PRKD1: variants seen among roughly 807,000 people sequenced by gnomAD.
PRKD1 encodes serine/threonine-protein kinase D1.
PRKD1 carries 63 observed loss-of-function variants against 95.9 expected under a neutral mutation model. The ratio of observed to expected loss-of-function variants is 0.66; its 90% CI spans 0.54 to 0.81. The LOEUF is 0.81. PRKD1 is among the 30% of genes least tolerant of loss of function. PRKD1 has a pLI of 0.00. For synonymous variants in PRKD1, 425 were observed against 423.1 expected, an observed-to-expected ratio of 1.00 and a Z score of -0.05; for missense variants, 1,048 against 1,165.3, an observed-to-expected ratio of 0.90 and a Z score of 1.47.
chr14:29,838,961 T>G (rs1218193668), intron 1 of PRKD1, among the ~76,000 whole-genome samples: 1 of 152,264 alleles, frequency 6.6e-6, no homozygotes, highest in South Asian at 2.1e-4. Context: ...CAATCACTGA[T>G]GCTTTATGGA....
chr14:29,780,640 C>G (rs1889000389), intron 1 of PRKD1, among the ~76,000 whole-genome samples: 1 of 152,266 alleles, frequency 6.6e-6, no homozygotes, highest in South Asian at 2.1e-4. Flanking sequence ...TAGGAAACAA[C>G]AGGTGTTGGA....
chr14:29,812,605 C>G (rs1890535962), intron 1 of PRKD1, among the ~76,000 whole-genome samples: 1 of 152,102 alleles, frequency 6.6e-6, no homozygotes, highest in African/African-American at 2.4e-5. Context: ...CACAAGGAGG[C>G]AGGAGAAGAA....
intron 1 of PRKD1, among the ~76,000 whole-genome samples, chr14:29,847,927 A>G (rs10147856): frequency 0.42 from 63,249 of 151,840 alleles, 14,353 homozygotes; most frequent in African/African-American, 0.6. Flanking sequence ...AAGATGGTGC[A>G]GCAAGAAGCA....
At chr14:29,810,974 C>A (rs992618859) in intron 1 of PRKD1, among the ~76,000 whole-genome samples, 18 of 152,192 alleles carry the variant, frequency 1.2e-4, no homozygotes, top group African/African-American at 4.3e-4. Flanking sequence ...CACAGTCTCA[C>A]TGAATATCTT....
chr14:29,782,064 T>C lies in PRKD1; in HGVS notation c.265-56390A>G, dbSNP rs45582834. Among the ~76,000 whole-genome samples, 1,108 of 152,324 alleles carry C rather than the reference T, an allele frequency of 7.3e-3. 18 individuals carry two copies. The highest frequency in any genetic ancestry group is 0.025 in the African/African-American group (1,028 of 41,568). On this transcript the variant is annotated intron_variant, in intron 1 of 17. Coordinates refer to ENST00000331968, the MANE Select transcript of PRKD1 (RefSeq NM_002742.3). ...TTTACACCCTAATATTCCTTGAATA[T>C]CTAAAACCATTTGTTTTCCTAAAAC...
intron 1 of PRKD1, among the ~76,000 whole-genome samples, chr14:29,807,761 C>T (rs1460586394): frequency 2.6e-5 from 4 of 151,212 alleles, no homozygotes; most frequent in African/African-American, 9.7e-5. Context: ...TGCTCTATCT[C>T]CCAGGCTGGA....
chr14:29,789,144 C>A (rs1340636615), intron 1 of PRKD1, among the ~76,000 whole-genome samples: 1 of 152,024 alleles, frequency 6.6e-6, no homozygotes, highest in Non-Finnish European at 1.5e-5. Flanking sequence ...CCTCAGTATC[C>A]CAAAGTGCTC....
At chr14:29,803,524 A>C (rs1890117668) in intron 1 of PRKD1, among the ~76,000 whole-genome samples, 2 of 152,168 alleles carry the variant, frequency 1.3e-5, no homozygotes, top group African/African-American at 4.8e-5. Flanking sequence ...ATGACCCATG[A>C]ATTGCAACAG....
chr14:29,639,920 G>A (rs970397733), intron 4 of PRKD1, among the ~76,000 whole-genome samples: 1 of 151,974 alleles, frequency 6.6e-6, no homozygotes, highest in African/African-American at 2.4e-5. Context: ...AATTAACCAT[G>A]TTTTCTATGT....
intron 1 of PRKD1, among the ~76,000 whole-genome samples, chr14:29,753,854 A>C (rs1887584249): frequency 6.6e-6 from 1 of 152,096 alleles, no homozygotes; most frequent in Non-Finnish European, 1.5e-5. Context: ...GTACACCTAG[A>C]TCTCTACTAA....
intron 13 of PRKD1, among the ~76,000 whole-genome samples, chr14:29,621,830 A>G (rs573308670): frequency 1.6e-4 from 24 of 152,154 alleles, no homozygotes; most frequent in Non-Finnish European, 2.9e-4. Context: ...GGGCAGTGGG[A>G]TTGAGTATAA....
chr14:29,730,419 A>G (rs959946320), intron 1 of PRKD1, among the ~76,000 whole-genome samples: 7 of 152,160 alleles, frequency 4.6e-5, no homozygotes, highest in Non-Finnish European at 7.4e-5. Context: ...ACTCTGGGGA[A>G]TGCAAATAGG....
intron 1 of PRKD1, among the ~76,000 whole-genome samples, chr14:29,884,192 AT>A (rs1349607348): frequency 6.6e-6 from 1 of 152,170 alleles, no homozygotes; most frequent in East Asian, 1.9e-4. Context: ...GGTTAAAAGC[AT>A]TTTTTTAAAA....
chr14:29,581,087 C>T (rs1338047207), intron 16 of PRKD1, among the ~76,000 whole-genome samples: 1 of 151,798 alleles, frequency 6.6e-6, no homozygotes, highest in Admixed American at 6.6e-5. Context: ...GTCATTAGTC[C>T]TATTTATGTT....
chr14:29,682,687 T>C (rs551097414), intron 2 of PRKD1, among the ~76,000 whole-genome samples: 275 of 152,158 alleles, frequency 1.8e-3, no homozygotes, highest in Admixed American at 4.2e-3. Flanking sequence ...TAGGACCTAA[T>C]AGAAGATAAA....
chr14:29,633,465 T>C (rs575607745), intron 8 of PRKD1, among the ~76,000 whole-genome samples: 1 of 152,200 alleles, frequency 6.6e-6, no homozygotes, highest in Non-Finnish European at 1.5e-5. Flanking sequence ...TTTGACTCCA[T>C]GACATCAACT....
At chr14:29,903,780 C>T (rs1381597304) in intron 1 of PRKD1, among the ~76,000 whole-genome samples, 1 of 152,148 alleles carries the variant, frequency 6.6e-6, no homozygotes, top group African/African-American at 2.4e-5. Flanking sequence ...AGGCTGGGTA[C>T]TGAAGATGGT....
At chr14:29,812,586 G>T (rs1289034930) in intron 1 of PRKD1, among the ~76,000 whole-genome samples, 4 of 152,148 alleles carry the variant, frequency 2.6e-5, no homozygotes. Context: ...GGGGAAGCAG[G>T]CACTTCTTCA....
intron 7 of PRKD1, among the ~76,000 whole-genome samples, chr14:29,635,643 G>C (rs1433153456): frequency 6.6e-6 from 1 of 152,114 alleles, no homozygotes; most frequent in African/African-American, 2.4e-5. Context: ...AAATATTTTA[G>C]TTTTTGCAAA....
Sources: allele counts gnomAD v4.1 joint callset (sites outside exome capture counted in the v4.1 genomes callset), GRCh38; gene constraint gnomAD v4.1.1; transcripts MANE v1.5; gene names NCBI Gene and HGNC (gene_info 2026-07-23, HGNC 2026-07-21).